Variants in COL8A1 observed in about 807,000 individuals in gnomAD.
The protein encoded by COL8A1 is collagen type VIII alpha 1 chain, also known as collagen alpha-1(VIII) chain.
In COL8A1, 21 loss-of-function variants were observed where a neutral mutation model predicts 42.7. The observed-to-expected ratio is 0.49, with a 90% CI of 0.35 to 0.71. The LOEUF (loss-of-function observed/expected upper bound fraction) is 0.71. COL8A1 is among the 30% of genes least tolerant of loss of function. COL8A1 has a pLI of 0.01. For synonymous variants in COL8A1, 367 were observed against 369.1 expected (o/e 0.99, Z 0.06); for missense variants, 788 against 962.4 (o/e 0.82, Z 2.40).
At chr3:99,644,766 A>G (rs1471605569) in intron 1 of COL8A1, among the ~76,000 whole-genome samples, 1 of 152,234 alleles carries the variant, frequency 6.6e-6, no homozygotes, top group Non-Finnish European at 1.5e-5. Context: ...GAGACTGAAG[A>G]CAATCACTTC....
intron 1 of COL8A1, among the ~76,000 whole-genome samples, chr3:99,648,452 C>A (rs1021512456): frequency 2.0e-5 from 3 of 151,996 alleles, no homozygotes; most frequent in Admixed American, 6.5e-5. Context: ...ATTTTAATTT[C>A]TTTTTCTTTT....
At chr3:99,766,582 G>A (rs758148435) in intron 2 of COL8A1, among the ~76,000 whole-genome samples, 26 of 152,158 alleles carry the variant, frequency 1.7e-4, no homozygotes, top group Non-Finnish European at 2.5e-4. Context: ...AAGGAAAAAT[G>A]TGAAGCTATT....
At chr3:99,714,419 A>G (rs1939932587) in intron 1 of COL8A1, among the ~76,000 whole-genome samples, 1 of 152,130 alleles carries the variant, frequency 6.6e-6, no homozygotes, top group South Asian at 2.1e-4. Context: ...CAGATTCTCA[A>G]GGAAACAAGT....
rs961523416 is a variant in COL8A1 at position 99,793,453 on chromosome 3, A to G, written c.329-777A>G. On this transcript the variant is annotated intron_variant, in intron 3 of 3. Coordinates refer to ENST00000652472, the MANE Select transcript of COL8A1 (RefSeq NM_020351.4). The stretch of plus-strand genomic sequence containing the variant: ...GTTTAAAATACACACACACACACAC[A>G]CACACAGATAGAACAAATGAGATGA... Among the ~76,000 whole-genome samples the G allele has an allele frequency of 3.9e-5, 6 of 152,230 alleles. No homozygotes were observed. The South Asian group carries it at 1.2e-3, about 32-fold the overall frequency.
At position 99,781,498 on chromosome 3, in the gene COL8A1, G is replaced by T. The variant is rs184795092; in HGVS notation, c.-3-9182G>T. On this transcript the variant is annotated intron_variant, in intron 2 of 3. Transcript: ENST00000652472. ...TTAGCTAAACAAAACTTCAACAATTGGATCCCCAAGAAATGTACTATAAAA... is the reference window on the plus strand; with the variant it reads ...TTAGCTAAACAAAACTTCAACAATTTGATCCCCAAGAAATGTACTATAAAA... Among the ~76,000 whole-genome samples, 490 of 152,038 alleles carry T rather than the reference G, an allele frequency of 3.2e-3. 4 individuals carry two copies. The highest frequency in any genetic ancestry group is 0.011 in the African/African-American group (463 of 41,460).
intron 1 of COL8A1, among the ~76,000 whole-genome samples, chr3:99,739,372 C>T (rs1217776727): frequency 6.6e-6 from 1 of 152,218 alleles, no homozygotes; most frequent in Non-Finnish European, 1.5e-5. Flanking sequence ...CACAGCTCCA[C>T]CAGGCAGTGC....
chr3:99,773,430 T>A (rs1480050802), intron 2 of COL8A1, among the ~76,000 whole-genome samples: 2 of 116,074 alleles, frequency 1.7e-5, no homozygotes, highest in East Asian at 5.2e-4. Context: ...CTCCTCTGAT[T>A]GTGATCTACA....
At chr3:99,668,661 T>C (rs1000514232) in intron 1 of COL8A1, among the ~76,000 whole-genome samples, 2 of 151,998 alleles carry the variant, frequency 1.3e-5, no homozygotes, top group Admixed American at 1.3e-4. Flanking sequence ...CCTCAGAACT[T>C]GAATGAAAAG....
At chr3:99,746,992 T>A (rs1472628659) in intron 2 of COL8A1, among the ~76,000 whole-genome samples, 1 of 152,160 alleles carries the variant, frequency 6.6e-6, no homozygotes, top group Non-Finnish European at 1.5e-5. Flanking sequence ...TTAAGTTCTA[T>A]GAAGAAATGT....
intron 1 of COL8A1, among the ~76,000 whole-genome samples, chr3:99,700,672 A>C (rs967856702): frequency 4.6e-5 from 7 of 152,178 alleles, no homozygotes; most frequent in Non-Finnish European, 1.0e-4. Flanking sequence ...CACCTTTACC[A>C]AAATCTCAAG....
intron 1 of COL8A1, among the ~76,000 whole-genome samples, chr3:99,682,702 A>G (rs998882788): frequency 2.6e-5 from 4 of 151,894 alleles, no homozygotes; most frequent in Non-Finnish European, 5.9e-5. Flanking sequence ...TTGTGACCTC[A>G]GGCATCTCCG....
intron 1 of COL8A1, among the ~76,000 whole-genome samples, chr3:99,700,320 T>C (rs1258418023): frequency 6.7e-6 from 1 of 149,924 alleles, no homozygotes; most frequent in Admixed American, 6.6e-5. Flanking sequence ...AAAAAAGAAC[T>C]CGCGTGAAAT....
intron 1 of COL8A1, among the ~76,000 whole-genome samples, chr3:99,676,145 T>C (rs778803250): frequency 6.6e-6 from 1 of 152,106 alleles, no homozygotes; most frequent in Admixed American, 6.6e-5. Flanking sequence ...ATGGAAAATA[T>C]AAATAGTCCT....
chr3:99,790,473 C>T (rs569975593), intron 2 of COL8A1, among the ~76,000 whole-genome samples: 3 of 152,184 alleles, frequency 2.0e-5, no homozygotes, highest in Non-Finnish European at 2.9e-5. Context: ...CTACCAATTG[C>T]CTTTATTTGA....
intron 1 of COL8A1, among the ~76,000 whole-genome samples, chr3:99,725,956 T>A (rs904453379): frequency 4.6e-5 from 7 of 152,118 alleles, no homozygotes; most frequent in Non-Finnish European, 1.0e-4. Flanking sequence ...GGTCAAATGG[T>A]ATTTCTATTT....
chr3:99,777,626 A>G (rs1316979032), intron 2 of COL8A1, among the ~76,000 whole-genome samples: 2 of 152,190 alleles, frequency 1.3e-5, no homozygotes, highest in African/African-American at 4.8e-5. Flanking sequence ...TGGGAAAAAA[A>G]ATTACTGAAA....
chr3:99,736,564 G>A (rs1260040114), intron 1 of COL8A1, among the ~76,000 whole-genome samples: 1 of 151,914 alleles, frequency 6.6e-6, no homozygotes, highest in Non-Finnish European at 1.5e-5. Flanking sequence ...TTAATCCTGA[G>A]TTCTAGTTTG....
At chr3:99,750,049 C>CTTT (rs1176042144) in intron 2 of COL8A1, among the ~76,000 whole-genome samples, 2,225 of 65,986 alleles carry the variant, frequency 0.034, 12 homozygotes, top group Middle Eastern at 0.042. Flanking sequence ...TTTTTTTCTT[C>CTTT]TTTTTTTTTT....
Position 99,728,934 on chromosome 3 carries a change from C to A in COL8A1, c.-128-15963C>A, listed in dbSNP as rs570462972. On this transcript the variant is annotated intron_variant, in intron 1 of 3. Transcript: ENST00000652472. ...TTAGAAAAAGCCTGTCTTTTCCTGA[C>A]CTCTGTTATTTAGAAGACCTCTGAC... Among the ~76,000 whole-genome samples, 3 of 152,038 alleles carry A rather than the reference C, an allele frequency of 2.0e-5. No homozygotes were observed. The South Asian group carries it at 6.2e-4, about 32-fold the overall frequency.
Sources: allele counts gnomAD v4.1 joint callset (sites outside exome capture counted in the v4.1 genomes callset), GRCh38; gene constraint gnomAD v4.1.1; transcripts MANE v1.5; gene names NCBI Gene and HGNC (gene_info 2026-07-23, HGNC 2026-07-21).